PHF21B: variants seen among roughly 807,000 people sequenced by gnomAD.
PHF21B encodes the protein PHD finger protein 4.
A neutral mutation model predicts 62.2 loss-of-function variants in PHF21B; 22 were observed. The ratio of observed to expected loss-of-function variants is 0.35; its 90% CI spans 0.25 to 0.51. The LOEUF (loss-of-function observed/expected upper bound fraction) is 0.51, where lower values mean the gene tolerates loss of function less well. Among genes scored for constraint, PHF21B ranks in the 20% least tolerant of loss-of-function variants. The probability of loss-of-function intolerance (pLI) is 0.97; values close to 1 mark genes in which losing one functional copy is unlikely to be tolerated. For synonymous variants in PHF21B, 341 were observed against 314.7 expected (o/e 1.08, Z -0.88); for missense variants, 701 against 707.9 (o/e 0.99, Z 0.11).
chr22:44,947,634 G>A (rs1044943460), intron 2 of PHF21B, among the ~76,000 whole-genome samples: 2 of 152,178 alleles, frequency 1.3e-5, no homozygotes, highest in Admixed American at 6.5e-5. Context: ...CACCTTCCAC[G>A]CGGACCCTGT....
intron 2 of PHF21B, among the ~76,000 whole-genome samples, chr22:44,985,512 C>T (rs528037015): frequency 5.7e-4 from 87 of 151,924 alleles, no homozygotes; most frequent in African/African-American, 2.0e-3. Flanking sequence ...CCAGGAGGAT[C>T]GCTGGAACCC....
At position 44,883,208 on chromosome 22, in the gene PHF21B, C is replaced by A; in HGVS notation, c.1474G>T (p.Glu492Ter). ...GTCATGGTGACCTGGAGCAGCTGCT[C>A]GCCCTGTATCAGTCTCAGGAGGGCC... ...LRALLRLIQG[E>*]QLLQVTMTTT... The change falls in exon 13 of 13, where the codon GAG becomes TAG. Residue 492 changes from glutamate to a stop codon, truncating the protein, a stop_gained. Coordinates refer to ENST00000313237, the MANE Select transcript of PHF21B (RefSeq NM_138415.5). LOFTEE classifies it high-confidence loss of function. 6.2e-7 allele frequency: 1 copy of A among 1,613,746 alleles called. No homozygotes were observed. Among genetic ancestry groups the A allele is most frequent in the Non-Finnish European group, 8.5e-7 (1 of 1,179,978 alleles).
intron 2 of PHF21B, among the ~76,000 whole-genome samples, chr22:44,992,819 C>G (rs568761211): frequency 6.6e-6 from 1 of 152,332 alleles, no homozygotes; most frequent in Non-Finnish European, 1.5e-5. Context: ...TCTCGGGACC[C>G]TACCCAGCCT....
chr22:45,009,154 A>C lies in PHF21B; in HGVS notation c.54+342T>G. 1.9e-6 allele frequency: 1 copy of C among 518,180 alleles called. No individual in the cohort carries two copies. Among genetic ancestry groups the C allele is most frequent in the Non-Finnish European group, 2.8e-6 (1 of 356,114 alleles). 32.1% of individuals were successfully genotyped at this position (518,180 alleles called of 1,614,324 possible). ...CGCGGGGGCCCGAGGGGAGGCCGGA[A>C]GGGGGCCTATTCGCACTCCCCTCCC... On this transcript the variant is annotated intron_variant, in intron 1 of 12. Transcript: ENST00000313237. This position sits in a 1 kb window ranked among gnomAD's most constrained non-coding sequence, Gnocchi z 5.9.
chr22:45,006,024 A>T (rs374047375), intron 2 of PHF21B, among the ~76,000 whole-genome samples: 16 of 151,844 alleles, frequency 1.1e-4, no homozygotes, highest in Admixed American at 1.3e-4. Flanking sequence ...GCCAATCACC[A>T]CCAAACTCTC....
chr22:44,990,457 AAGCAG>A (rs1453389272), intron 2 of PHF21B, among the ~76,000 whole-genome samples: 4 of 152,270 alleles, frequency 2.6e-5, no homozygotes, highest in African/African-American at 9.6e-5. Flanking sequence ...GAGTACGTGC[AAGCAG>A]TGGAATAACG....
Position 44,925,442 on chromosome 22 carries a change from C to T in PHF21B, c.121-4952G>A, listed in dbSNP as rs558762330. Among the ~76,000 whole-genome samples the T allele has an allele frequency of 8.5e-5, 13 of 152,268 alleles. No homozygotes were observed. In the East Asian group the frequency reaches 1.2e-3, roughly 14 times the overall value. ...AGCTGCTTCTCTCATTATGCTCGGA[C>T]GGCGGTTCCTGCCTCCTCTTTGCCA... On this transcript the variant is annotated intron_variant, in intron 2 of 12. Transcript: ENST00000313237.
intron 2 of PHF21B, among the ~76,000 whole-genome samples, chr22:44,936,454 C>T (rs891496729): frequency 5.3e-5 from 8 of 152,216 alleles, no homozygotes; most frequent in African/African-American, 1.9e-4. Context: ...CCCTCTCCTT[C>T]GAGCTCCAGA....
chr22:44,998,631 G>A (rs571761136), intron 2 of PHF21B, among the ~76,000 whole-genome samples: 4 of 152,248 alleles, frequency 2.6e-5, no homozygotes, highest in Admixed American at 1.3e-4. Context: ...GTCAGGGGCC[G>A]AATCCCAGCT....
At chr22:44,958,939 C>A (rs577862112) in intron 2 of PHF21B, among the ~76,000 whole-genome samples, 2 of 152,230 alleles carry the variant, frequency 1.3e-5, no homozygotes, top group Non-Finnish European at 2.9e-5. Context: ...CCGCACCCGG[C>A]CCCTCCTTTG....
At chr22:44,894,808 T>C (rs2071028351) in intron 6 of PHF21B, among the ~76,000 whole-genome samples, 1 of 152,122 alleles carries the variant, frequency 6.6e-6, no homozygotes, top group South Asian at 2.1e-4. Context: ...GAGGGCTGTC[T>C]TCTCGGAGCC....
At chr22:44,976,983 C>CA (rs2072748906) in intron 2 of PHF21B, among the ~76,000 whole-genome samples, 1 of 151,774 alleles carries the variant, frequency 6.6e-6, no homozygotes, top group Non-Finnish European at 1.5e-5. Flanking sequence ...ACAAAAGATG[C>CA]AAAAAAGGTG....
At chr22:44,924,090 A>C (rs2071588416) in intron 2 of PHF21B, among the ~76,000 whole-genome samples, 2 of 81,090 alleles carry the variant, frequency 2.5e-5, no homozygotes, top group African/African-American at 3.7e-5. Context: ...GAGGGGAGGA[A>C]GGAGGAGAGG....
At chr22:44,947,778 C>T (rs956147412) in intron 2 of PHF21B, among the ~76,000 whole-genome samples, 16 of 152,150 alleles carry the variant, frequency 1.1e-4, no homozygotes, top group African/African-American at 3.6e-4. Context: ...CCCTGGCTCC[C>T]GGAAGCTCAG....
In PHF21B at chr22:44,916,584, C is replaced by G; in HGVS notation, c.260G>C (p.Gly87Ala). 1 of 1,605,410 alleles carries G rather than the reference C, an allele frequency of 6.2e-7. No individual in the cohort carries two copies. Among genetic ancestry groups the G allele is most frequent in the East Asian group, 2.2e-5 (1 of 44,858 alleles). Residue 87 changes from glycine (G) to alanine (A), a missense_variant, in exon 4 of 13, where the codon GGC becomes GCC. Physicochemically the swap from Gly to Ala is moderately conservative, Grantham distance 60. Transcript: ENST00000313237. Reference sequence around the variant, plus strand: ...GGGCTGCTTGGGTGGCCGGTCCCGGCCCGGGGCAACGGGGAGGCTGTCTGG... The same window carrying G: ...GGGCTGCTTGGGTGGCCGGTCCCGGGCCGGGGCAACGGGGAGGCTGTCTGG... ...LIPDSLPVAPGRDRPPKQPPT... is the reference protein window; with the variant it reads ...LIPDSLPVAPARDRPPKQPPT...
intron 2 of PHF21B, among the ~76,000 whole-genome samples, chr22:45,007,109 G>A (rs766817038): frequency 6.0e-5 from 9 of 151,076 alleles, no homozygotes; most frequent in African/African-American, 1.2e-4. Context: ...GGGGCGGGGG[G>A]GCCGCGGCAC....
intron 2 of PHF21B, among the ~76,000 whole-genome samples, chr22:45,001,530 T>C (rs1267835976): frequency 6.6e-6 from 1 of 152,190 alleles, no homozygotes; most frequent in Non-Finnish European, 1.5e-5. Flanking sequence ...CAGGTGACTG[T>C]GGACACACCT....
intron 2 of PHF21B, among the ~76,000 whole-genome samples, chr22:44,996,496 G>A (rs1004345419): frequency 4.6e-5 from 7 of 151,856 alleles, no homozygotes; most frequent in Non-Finnish European, 8.8e-5. Context: ...CTTTCAATCT[G>A]TGGTCAACAT....
chr22:44,937,456 C>T (rs879166128), intron 2 of PHF21B, among the ~76,000 whole-genome samples: 12 of 152,140 alleles, frequency 7.9e-5, no homozygotes, highest in Admixed American at 3.3e-4. Flanking sequence ...ACGGAGTAGC[C>T]GGGTCTCTCA....
Sources: gnomAD v4.1 joint callset for allele counts (sites outside exome capture counted in the v4.1 genomes callset) on GRCh38, gnomAD v4.1.1 for gene constraint, Gnocchi (gnomAD v3.1) non-coding constraint, MANE v1.5 for transcripts, NCBI Gene and HGNC (gene_info 2026-07-23, HGNC 2026-07-21) for gene names.